The following KCNK10 variants were observed in gnomAD, a reference collection of about 807,000 sequenced individuals.
KCNK10 encodes the protein potassium channel subfamily K member 10.
Under a neutral mutation model 47.7 loss-of-function variants are expected in KCNK10, and 25 were observed. The ratio of observed to expected loss-of-function variants is 0.52; its 90% CI spans 0.38 to 0.73. KCNK10 has a LOEUF of 0.73. Ranked by LOEUF, KCNK10 falls within the 30% of genes least tolerant of loss-of-function variation. The pLI, the probability that KCNK10 is intolerant of heterozygous loss-of-function variation, is 0.00. For missense variants in KCNK10, 563 were observed against 714.5 expected (o/e 0.79, Z 2.42); for synonymous variants, 303 against 285.6 (o/e 1.06, Z -0.61).
chr14:88,301,203 C>A (rs576982332), intron 1 of KCNK10, among the ~76,000 whole-genome samples: 1 of 152,044 alleles, frequency 6.6e-6, no homozygotes, highest in Non-Finnish European at 1.5e-5. Context: ...TGATAATGTA[C>A]GCAAAATGCC....
In KCNK10 at chr14:88,183,615, A is replaced by C. The variant is rs1884442188; in HGVS notation, c.*1920T>G. 6.6e-6 allele frequency: 1 copy of C among 152,374 alleles called. No individual in the cohort carries two copies. Among genetic ancestry groups the C allele is most frequent in the African/African-American group, 2.4e-5 (1 of 41,466 alleles). 9.4% of individuals were successfully genotyped at this position (152,374 alleles called of 1,614,324 possible). A position where few individuals can be genotyped will look rare whatever the true frequency, so the allele number is the denominator to read the frequency against. On this transcript the variant is annotated 3_prime_UTR_variant, in exon 7 of 7. Coordinates refer to ENST00000319231, the MANE Select transcript of KCNK10 (RefSeq NM_138317.3). The stretch of plus-strand genomic sequence containing the variant: ...GAGTCGACACAGGATGTCACCAGTG[A>C]GCCTCATCTCCAGTCCAATGGAGGA...
intron 1 of KCNK10, among the ~76,000 whole-genome samples, chr14:88,301,839 T>C (rs959696678): frequency 2.0e-5 from 3 of 151,818 alleles, no homozygotes; most frequent in Admixed American, 2.0e-4. Flanking sequence ...TTATGCCGAG[T>C]GGAAAGAGGA....
rs138360936 is a variant in KCNK10 at position 88,198,364 on chromosome 14, C to T, written c.682-5954G>A. Reference sequence around the variant, plus strand: ...TCAACTGAGTAACTCCTGACAATCCCAAAAGATGCCCCTCCCAGCTGCTCA... The same window carrying T: ...TCAACTGAGTAACTCCTGACAATCCTAAAAGATGCCCCTCCCAGCTGCTCA... On this transcript the variant is annotated intron_variant, in intron 4 of 6. Coordinates refer to ENST00000319231, the MANE Select transcript of KCNK10 (RefSeq NM_138317.3). Among the ~76,000 whole-genome samples, 426 of 152,268 alleles carry T rather than the reference C, an allele frequency of 2.8e-3. 5 individuals are homozygous for T. Among genetic ancestry groups the T allele is most frequent in the African/African-American group, 9.6e-3 (398 of 41,550 alleles).
intron 4 of KCNK10, among the ~76,000 whole-genome samples, chr14:88,224,597 T>C (rs1487772427): frequency 6.6e-6 from 1 of 152,188 alleles, no homozygotes; most frequent in East Asian, 1.9e-4. Context: ...AGACCAACTT[T>C]ATATTTACTT....
rs185459313 is a variant in KCNK10 at position 88,251,640 on chromosome 14, G to A, written c.403-10820C>T. 3.8e-4 allele frequency among the ~76,000 whole-genome samples: 58 copies of A among 152,264 alleles called. 1 individual carries two copies. Among genetic ancestry groups the A allele is most frequent in the Admixed American group, 2.0e-3 (31 of 15,294 alleles). ...AACTTAAAACCCTTTGGGTTTATAC[G>A]AAGAACCAAAATGGCAATGTACTGA... is the stretch of plus-strand genomic sequence containing the variant. On this transcript the variant is annotated intron_variant, in intron 2 of 6. Coordinates refer to ENST00000319231, the MANE Select transcript of KCNK10 (RefSeq NM_138317.3).
intron 4 of KCNK10, among the ~76,000 whole-genome samples, chr14:88,195,941 C>T (rs952961735): frequency 3.3e-5 from 5 of 152,140 alleles, no homozygotes; most frequent in African/African-American, 9.7e-5. Flanking sequence ...TAAGCAGAGC[C>T]GCTAGCAGAA....
chr14:88,201,972 A>G (rs1885117277), intron 4 of KCNK10, among the ~76,000 whole-genome samples: 1 of 152,234 alleles, frequency 6.6e-6, no homozygotes, highest in Non-Finnish European at 1.5e-5. Context: ...CTCTGTAGAT[A>G]CTATTTCCTT....
At chr14:88,326,351 C>T, upstream of KCNK10, 1 of 1,397,868 alleles carries the variant, frequency 7.2e-7, no homozygotes, top group Non-Finnish European at 1.0e-6. Flanking sequence ...GCCCTTTGGG[C>T]TACTGCAATC....
upstream of KCNK10, among the ~76,000 whole-genome samples, chr14:88,325,533 C>G (rs1888643123): frequency 6.6e-6 from 1 of 152,204 alleles, no homozygotes. Context: ...TATGAGGATT[C>G]AAACCCAAGT....
chr14:88,248,683 C>T lies in KCNK10; in HGVS notation c.403-7863G>A, dbSNP rs148200205. ...AGCAGAGGCTGCAGTAAGCCATGAT[C>T]GTGCTACTTTACTCCAGCCTCCACA... On this transcript the variant is annotated intron_variant, in intron 2 of 6. Transcript: ENST00000319231. Among the ~76,000 whole-genome samples, 25 of 151,880 alleles carry T rather than the reference C, an allele frequency of 1.6e-4. No individual in the cohort carries two copies. In the East Asian group the frequency reaches 4.7e-3, roughly 28 times the overall value.
Position 88,185,868 on chromosome 14 carries a change from C to A in KCNK10, c.1299G>T (p.Pro433=). The part of the protein sequence containing the change: ...NRPNNLRLKG[P]EQLNKHGQGA... ...CCTGCCCATGCTTGTTCAGCTGCTCCGGCCCCTTCAGGCGCAGGTTGTTGG... is the reference window on the plus strand; with the variant it reads ...CCTGCCCATGCTTGTTCAGCTGCTCAGGCCCCTTCAGGCGCAGGTTGTTGG... The change falls in exon 7 of 7, where the codon CCG becomes CCT. Residue 433 remains proline, a synonymous_variant. Transcript: ENST00000319231. The surrounding 1 kb of genome is among the most constrained non-coding windows in gnomAD (Gnocchi z 4.3). 6.2e-7 allele frequency: 1 copy of A among 1,614,134 alleles called. No homozygotes were observed. The highest frequency in any genetic ancestry group is 8.5e-7 in the Non-Finnish European group (1 of 1,180,026).
intron 1 of KCNK10, among the ~76,000 whole-genome samples, chr14:88,310,181 G>GATATGGTATATC (rs1888288433): frequency 2.0e-4 from 9 of 45,268 alleles, no homozygotes; most frequent in African/African-American, 3.3e-4. Context: ...TATGGTATAT[G>GATATGGTATATC]ATATACCATA....
chr14:88,222,956 G>A (rs1218187924), intron 4 of KCNK10, among the ~76,000 whole-genome samples: 6 of 152,160 alleles, frequency 3.9e-5, no homozygotes, highest in Admixed American at 2.6e-4. Flanking sequence ...GTGAGATAAG[G>A]GTTCAAATTC....
intron 2 of KCNK10, among the ~76,000 whole-genome samples, chr14:88,251,020 G>A (rs1886780760): frequency 6.6e-6 from 1 of 151,944 alleles, no homozygotes; most frequent in South Asian, 2.1e-4. Flanking sequence ...AGATCACAAG[G>A]TCAAGAGTTC....
chr14:88,219,454 G>A (rs990172490), intron 4 of KCNK10, among the ~76,000 whole-genome samples: 2 of 152,184 alleles, frequency 1.3e-5, no homozygotes, highest in African/African-American at 2.4e-5. Context: ...AAGCTGCCTG[G>A]GTTGCAGCAG....
At chr14:88,248,426 A>G (rs1015836132) in intron 2 of KCNK10, among the ~76,000 whole-genome samples, 2 of 152,174 alleles carry the variant, frequency 1.3e-5, no homozygotes, top group East Asian at 3.8e-4. Context: ...AATATTAATC[A>G]CAAATTAAGA....
intron 4 of KCNK10, among the ~76,000 whole-genome samples, chr14:88,209,456 C>A (rs1024523475): frequency 2.6e-5 from 4 of 152,264 alleles, no homozygotes; most frequent in Non-Finnish European, 4.4e-5. Context: ...TTCACGCAGA[C>A]CGAATGGCAA....
chr14:88,312,701 T>C (rs914539531), intron 1 of KCNK10, among the ~76,000 whole-genome samples: 4 of 152,012 alleles, frequency 2.6e-5, no homozygotes, highest in Non-Finnish European at 5.9e-5. Context: ...TCAGAAAAAA[T>C]AGGGTGGATT....
intron 1 of KCNK10, among the ~76,000 whole-genome samples, chr14:88,264,226 C>T (rs1444869069): frequency 6.6e-6 from 1 of 152,134 alleles, no homozygotes; most frequent in Non-Finnish European, 1.5e-5. Flanking sequence ...TCTCTAAGGT[C>T]CCTGTTCTCT....
Sources: allele counts gnomAD v4.1 joint callset (sites outside exome capture counted in the v4.1 genomes callset), GRCh38; gene constraint gnomAD v4.1.1; non-coding constraint Gnocchi (gnomAD v3.1); transcripts MANE v1.5; gene names NCBI Gene and HGNC (gene_info 2026-07-23, HGNC 2026-07-21).